Variants in EHBP1L1 observed in about 807,000 individuals in gnomAD.
The protein encoded by EHBP1L1 is EH domain binding protein 1 like 1, also known as EH domain-binding protein 1-like protein 1.
In EHBP1L1, 122 loss-of-function variants were observed where a neutral mutation model predicts 151.1. The ratio of observed to expected loss-of-function variants is 0.81; its 90% confidence interval spans 0.70 to 0.94. The LOEUF is 0.94. EHBP1L1 is among the 40% of genes least tolerant of loss of function. The pLI, the probability that EHBP1L1 is intolerant of heterozygous loss-of-function variation, is 0.00. For synonymous variants in EHBP1L1, 878 were observed against 810.1 expected, an observed-to-expected ratio of 1.08 and a Z score of -1.42; for missense variants, 1,941 against 1,959.8, an observed-to-expected ratio of 0.99 and a Z score of 0.18.
intron 6 of EHBP1L1, 142 bp from the exon 7 acceptor site, chr11:65,580,914 GTC>G: frequency 7.0e-7 from 1 of 1,437,426 alleles, no homozygotes; most frequent in Non-Finnish European, 9.1e-7. Context: ...CTGTGGGCCT[GTC>G]TCTTCTCGCA....
chr11:65,587,674 G>A (rs1181212343), intron 12 of EHBP1L1, among the ~76,000 whole-genome samples: 1 of 152,210 alleles, frequency 6.6e-6, no homozygotes, highest in Non-Finnish European at 1.5e-5. Context: ...ACACAGGGCT[G>A]GGCTTTCTCC....
At position 65,580,463 on chromosome 11, in the gene EHBP1L1, T is replaced by C. The variant is rs769901943; in HGVS notation, c.618T>C (p.Ala206=). Residue 206 remains alanine (A), a synonymous_variant, in exon 6 of 19, where the codon GCT becomes GCC. Coordinates refer to ENST00000309295, the MANE Select transcript of EHBP1L1 (RefSeq NM_001099409.3). ...GCCCAGGAGCCCCGGAGGCCCGGGC[T>C]CGAGTCCCCCAGCCAGGTGGGCTCA... ...AHGPGAPEAR[A]RVPQPDPSRE... 4.3e-6 allele frequency: 7 copies of C among 1,612,554 alleles called. No homozygotes were observed. Among genetic ancestry groups the C allele is most frequent in the Non-Finnish European group, 5.9e-6 (7 of 1,179,770 alleles).
Position 65,582,692 on chromosome 11 carries a change from G to A in EHBP1L1, c.2020G>A (p.Glu674Lys). 6.2e-7 allele frequency: 1 copy of A among 1,613,678 alleles called. No individual in the cohort carries two copies. The highest frequency in any genetic ancestry group is 2.2e-5 in the East Asian group (1 of 44,884). Residue 674 changes from glutamate to lysine, a missense_variant, in exon 9 of 19, where the codon GAG (glutamate) becomes AAG (lysine). By Grantham distance (56) the Glu-to-Lys change is moderately conservative. Transcript: ENST00000309295. ...GACAAGAACTACGATAGCAGAGACT[G>A]AGGTACTGGTGACCCAGGAGATATC... ...LQTRTTIAET[E>K]VLVTQEISGD...
Position 65,590,550 on chromosome 11 carries a change from A to C in EHBP1L1, c.4241A>C (p.Lys1414Thr). The C allele has an allele frequency of 6.2e-7, 1 of 1,613,726 alleles. No homozygotes were observed. The highest frequency in any genetic ancestry group is 2.2e-5 in the East Asian group (1 of 44,878). The change falls in exon 16 of 19, where the codon AAG becomes ACG. Residue 1414 changes from lysine (K) to threonine (T), a missense_variant. Coordinates refer to ENST00000309295, the MANE Select transcript of EHBP1L1 (RefSeq NM_001099409.3). ...CAGGAGTGGTTCACCCTGGTCAACA[A>C]GAAGAACGCTCTCATCCGGAGGCAG... ...LIQEWFTLVN[K>T]KNALIRRQDQ... is the part of the protein sequence containing the mutation.
rs768579512 is a variant in EHBP1L1 at position 65,581,275 on chromosome 11, C to G, written c.768C>G (p.Ala256=). 12 of 1,611,714 alleles carry G rather than the reference C, an allele frequency of 7.4e-6. No individual in the cohort carries two copies. The highest frequency in any genetic ancestry group is 8.5e-6 in the Non-Finnish European group (10 of 1,179,470). The change falls in exon 8 of 19, where the codon GCC becomes GCG. Residue 256 remains alanine, a synonymous_variant. Coordinates refer to ENST00000309295, the MANE Select transcript of EHBP1L1 (RefSeq NM_001099409.3). ...CTGTGAGTGCTCCTGCACCCCCAGCCAGAACCTCCCGAGGCCAGGGGTCAG... is the reference window on the plus strand; with the variant it reads ...CTGTGAGTGCTCCTGCACCCCCAGCGAGAACCTCCCGAGGCCAGGGGTCAG... ...PAPVSAPAPP[A]RTSRGQGSER...
rs1400378178 is a variant in EHBP1L1 at position 65,580,197 on chromosome 11, G to A, written c.429G>A (p.Lys143=). The change falls in exon 5 of 19, where the codon AAG becomes AAA. Residue 143 remains lysine (K), a synonymous_variant. Coordinates refer to ENST00000309295, the MANE Select transcript of EHBP1L1 (RefSeq NM_001099409.3). Reference sequence around the variant, plus strand: ...TGCGGCTGAAGCCAAAGTCAGTGAAGGTGGTGCAGGCTGAGCTGAGCCTCA... The same window carrying A: ...TGCGGCTGAAGCCAAAGTCAGTGAAAGTGGTGCAGGCTGAGCTGAGCCTCA... The part of the protein sequence containing the change: ...VRLRLKPKSV[K]VVQAELSLTL... 2 of 1,613,644 alleles carry A rather than the reference G, an allele frequency of 1.2e-6. No individual in the cohort carries two copies. The highest frequency in any genetic ancestry group is 4.5e-5 in the East Asian group (2 of 44,886).
At chr11:65,592,168 C>A in intron 18 of EHBP1L1, 35 bp from the exon 19 acceptor site, 1 of 1,600,994 alleles carries the variant, frequency 6.2e-7, no homozygotes, top group Non-Finnish European at 8.5e-7. Flanking sequence ...TGGACCCCGC[C>A]CAACGGAGCG....
chr11:65,579,279 T>G, intron 2 of EHBP1L1, 62 bp from the exon 3 acceptor site: 6 of 1,412,500 alleles, frequency 4.2e-6, no homozygotes, highest in South Asian at 1.4e-5. Flanking sequence ...AGGTTGGTGA[T>G]AGGGGGTGCA....
intron 15 of EHBP1L1, 136 bp downstream of exon 15, chr11:65,590,346 G>C: frequency 6.6e-7 from 1 of 1,513,614 alleles, no homozygotes; most frequent in South Asian, 1.2e-5. Flanking sequence ...AGCCAGGCAT[G>C]CTGAGGCCCT....
In EHBP1L1 at chr11:65,591,794, T is replaced by A. The variant is rs1374137167; in HGVS notation, c.4284-6T>A. 3.4e-6 allele frequency: 1 copy of A among 293,060 alleles called. No homozygotes were observed. Among genetic ancestry groups the A allele is most frequent in the Non-Finnish European group, 4.8e-6 (1 of 208,796 alleles). 18.2% of individuals were successfully genotyped at this position (293,060 alleles called of 1,614,324 possible). ...CCCCCGCCACCCACCCCCCGCCACC[T>A]TCCAGCATGGAGGAGCAGGACTTGG... On this transcript the variant is annotated splice_polypyrimidine_tract_variant and splice_region_variant and intron_variant, in intron 16 of 18. Transcript: ENST00000309295.
intron 9 of EHBP1L1, chr11:65,583,971 C>G (rs942239903): frequency 7.1e-7 from 1 of 1,408,914 alleles, no homozygotes; most frequent in African/African-American, 1.4e-5. Flanking sequence ...GAGCTGGACA[C>G]CTCTAAGCTG....
chr11:65,591,032 A>G (rs1040319031), intron 16 of EHBP1L1, among the ~76,000 whole-genome samples: 3 of 152,082 alleles, frequency 2.0e-5, no homozygotes, highest in Non-Finnish European at 4.4e-5. Context: ...CTCTGTCTCA[A>G]AAAATAAAAA....
At position 65,585,061 on chromosome 11, in the gene EHBP1L1, T is replaced by G; in HGVS notation, c.3403T>G (p.Cys1135Gly). 1.9e-6 allele frequency: 3 copies of G among 1,543,942 alleles called. No homozygotes were observed. Among genetic ancestry groups the G allele is most frequent in the Non-Finnish European group, 2.6e-6 (3 of 1,152,406 alleles). The change falls in exon 12 of 19, where the codon TGC (cysteine) becomes GGC (glycine). Residue 1135 changes from cysteine to glycine, a missense_variant. Coordinates refer to ENST00000309295, the MANE Select transcript of EHBP1L1 (RefSeq NM_001099409.3). The surrounding 1 kb of genome is among the most constrained non-coding windows in gnomAD (Gnocchi z 4.0). ...CAAGCTCATCGTCATGACGTACCTG[T>G]GCCAGATCCGCGCCTTCTGCACCGG... The part of the protein sequence containing the change: ...PDKLIVMTYL[C>G]QIRAFCTGQE...
Position 65,592,500 on chromosome 11 carries a change from G to T in EHBP1L1, c.*198G>T. 4.2e-6 allele frequency: 1 copy of T among 238,590 alleles called. No homozygotes were observed. The highest frequency in any genetic ancestry group is 7.3e-6 in the Non-Finnish European group (1 of 136,590). The allele number at this position is 238,590 out of a possible 1,614,324, so 14.8% of individuals were successfully genotyped here. A position where few individuals can be genotyped will look rare whatever the true frequency, so the allele number is the denominator to read the frequency against. ...GGCCGCCGTATTTATTTGTCACCGA[G>T]GGTGTGTGCGCGCTCGCGGCGGGTG... is the stretch of plus-strand genomic sequence containing the variant. On this transcript the variant is annotated 3_prime_UTR_variant, in exon 19 of 19. Coordinates refer to ENST00000309295, the MANE Select transcript of EHBP1L1 (RefSeq NM_001099409.3).
In EHBP1L1 at chr11:65,583,611, G is replaced by A; in HGVS notation, c.2939G>A (p.Gly980Glu). ...GTFKAQEAEAGVLGNEKGKEA... is the reference protein window; with the variant it reads ...GTFKAQEAEAEVLGNEKGKEA... Reference sequence around the variant, plus strand: ...TTTAAGGCCCAGGAAGCGGAGGCTGGGGTCTTGGGAAATGAGAAGGGGAAA... The same window carrying A: ...TTTAAGGCCCAGGAAGCGGAGGCTGAGGTCTTGGGAAATGAGAAGGGGAAA... The change falls in exon 9 of 19, where the codon GGG becomes GAG. Residue 980 changes from glycine to glutamate, a missense_variant. Transcript: ENST00000309295. The A allele has an allele frequency of 6.2e-7, 1 of 1,609,160 alleles. No individual in the cohort carries two copies. The highest frequency in any genetic ancestry group is 8.5e-7 in the Non-Finnish European group (1 of 1,177,752).
rs1340171053 is a variant in EHBP1L1 at position 65,580,076 on chromosome 11, C to A, written c.313-5C>A. ...CCTTCTCCTGGTCTCTCCCCTGGCC[C>A]ACAGGAGTCTAAGGGGCAGCGGAAG... On this transcript the variant is annotated splice_region_variant and splice_polypyrimidine_tract_variant and intron_variant, in intron 4 of 18. Coordinates refer to ENST00000309295, the MANE Select transcript of EHBP1L1 (RefSeq NM_001099409.3). 5 of 1,612,548 alleles carry A rather than the reference C, an allele frequency of 3.1e-6. No individual in the cohort carries two copies. The highest frequency in any genetic ancestry group is 4.2e-6 in the Non-Finnish European group (5 of 1,178,848).
intron 9 of EHBP1L1, 171 bp downstream of exon 9, chr11:65,583,936 T>C: frequency 7.1e-7 from 1 of 1,416,456 alleles, no homozygotes; most frequent in Non-Finnish European, 9.2e-7. Context: ...CTGGCTCTCT[T>C]ACCCCATCTT....
At position 65,576,113 on chromosome 11, in the gene EHBP1L1, G is replaced by T. The variant is rs1857311243; in HGVS notation, c.-190G>T. 5.3e-6 allele frequency: 2 copies of T among 377,324 alleles called. No homozygotes were observed. The highest frequency in any genetic ancestry group is 7.1e-4 in the Middle Eastern group (1 of 1,402). 23.4% of individuals were successfully genotyped at this position (377,324 alleles called of 1,614,324 possible). ...CCGACGCGCCCCAGGCGACCCCGCA[G>T]ACTCAGCCAGACCACCCTGCGGGCC... On this transcript the variant is annotated 5_prime_UTR_variant, in exon 1 of 19. Transcript: ENST00000309295.
chr11:65,577,361 C>T (rs1329633543), intron 1 of EHBP1L1, among the ~76,000 whole-genome samples: 2 of 152,214 alleles, frequency 1.3e-5, no homozygotes, highest in Admixed American at 6.5e-5. Flanking sequence ...ATATCCTTGG[C>T]CTTGCCCACA....
Sources: gnomAD v4.1 joint callset for allele counts (sites outside exome capture counted in the v4.1 genomes callset) on GRCh38, gnomAD v4.1.1 for gene constraint, Gnocchi (gnomAD v3.1) non-coding constraint, MANE v1.5 for transcripts, NCBI Gene and HGNC (gene_info 2026-07-23, HGNC 2026-07-21) for gene names.